Variants in ENPP6 observed in about 807,000 individuals in gnomAD.
ENPP6 encodes glycerophosphocholine cholinephosphodiesterase ENPP6.
ENPP6 carries 32 observed loss-of-function variants against 42.0 expected under a neutral mutation model. The observed-to-expected ratio is 0.76, with a 90% CI of 0.58 to 1.02. The LOEUF is 1.02. Ranked by LOEUF, ENPP6 falls within the 50% of genes least tolerant of loss-of-function variation. ENPP6 has a pLI of 0.00. For synonymous variants in ENPP6, 213 were observed against 216.0 expected, an observed-to-expected ratio of 0.99 and a Z score of 0.12; for missense variants, 552 against 566.8, an observed-to-expected ratio of 0.97 and a Z score of 0.27.
intron 6 of ENPP6, among the ~76,000 whole-genome samples, chr4:184,100,710 T>C (rs1424781333): frequency 6.6e-6 from 1 of 152,050 alleles, no homozygotes; most frequent in East Asian, 1.9e-4. Flanking sequence ...GGGAATTCAC[T>C]CCATGCAGGC....
At chr4:184,163,425 C>T (rs1016272092) in intron 1 of ENPP6, among the ~76,000 whole-genome samples, 1 of 152,134 alleles carries the variant, frequency 6.6e-6, no homozygotes, top group African/African-American at 2.4e-5. Context: ...GAACCTGGAC[C>T]TCCCGGCTTC....
chr4:184,101,303 CTTGTGTGT>C (rs1284183224), intron 6 of ENPP6, among the ~76,000 whole-genome samples: 25 of 89,768 alleles, frequency 2.8e-4, no homozygotes, highest in African/African-American at 8.1e-4. Flanking sequence ...TGTGTGTGAG[CTTGTGTGT>C]GTGTGTGTGT....
At chr4:184,163,022 G>T (rs1462351212) in intron 1 of ENPP6, among the ~76,000 whole-genome samples, 1 of 152,212 alleles carries the variant, frequency 6.6e-6, no homozygotes, top group Non-Finnish European at 1.5e-5. Context: ...GTCACCTGCT[G>T]AGGCTCAAGG....
chr4:184,099,534 G>A (rs1184698619), intron 6 of ENPP6, among the ~76,000 whole-genome samples: 1 of 152,226 alleles, frequency 6.6e-6, no homozygotes, highest in African/African-American at 2.4e-5. Context: ...ATGGGGCCAG[G>A]TGCCCGGGCA....
intron 2 of ENPP6, among the ~76,000 whole-genome samples, chr4:184,142,931 C>A (rs938138107): frequency 3.3e-5 from 5 of 152,218 alleles, no homozygotes; most frequent in African/African-American, 4.8e-5. Context: ...ATGACCACGA[C>A]TGGAATTACA....
At chr4:184,210,826 C>T (rs1036375207) in intron 1 of ENPP6, among the ~76,000 whole-genome samples, 8 of 152,164 alleles carry the variant, frequency 5.3e-5, no homozygotes, top group African/African-American at 1.9e-4. Context: ...AAATTGACCA[C>T]ATACTTGGAA....
At chr4:184,139,475 T>G (rs1736784874) in intron 2 of ENPP6, among the ~76,000 whole-genome samples, 1 of 145,934 alleles carries the variant, frequency 6.9e-6, no homozygotes, top group Admixed American at 6.8e-5. Flanking sequence ...CATCTAGCAT[T>G]AGGTATATCT....
At position 184,166,556 on chromosome 4, in the gene ENPP6, T is replaced by A. The variant is rs555646160; in HGVS notation, c.242-12823A>T. Among the ~76,000 whole-genome samples, 7 of 152,366 alleles carry A rather than the reference T, an allele frequency of 4.6e-5. No homozygotes were observed. In the South Asian group the frequency reaches 1.4e-3, roughly 32 times the overall value. On this transcript the variant is annotated intron_variant, in intron 1 of 7. Coordinates refer to ENST00000296741, the MANE Select transcript of ENPP6 (RefSeq NM_153343.4). ...CTTTTTACTTTTAGAAAGCTAATTT[T>A]TAACAAAGCTCAAAGAAATTTCCTG...
chr4:184,212,737 A>G (rs867316081), intron 1 of ENPP6, among the ~76,000 whole-genome samples: 20 of 151,944 alleles, frequency 1.3e-4, no homozygotes, highest in Middle Eastern at 6.8e-3. Context: ...GGAAAAAACT[A>G]CTTTAAAGTT....
rs1736464303 is a variant in ENPP6, at chr4:184,124,202, G to A, written c.492C>T (p.Ile164=). Residue 164 remains isoleucine, a synonymous_variant, in exon 3 of 8, where the codon ATC becomes ATT. Transcript: ENST00000296741. ...CATCGCTGACTGCATTGGCAAAATTGATATCCGTTGGGACATTTTTATATT... is the reference window on the plus strand; with the variant it reads ...CATCGCTGACTGCATTGGCAAAATTAATATCCGTTGGGACATTTTTATATT... ...CLEYKNVPTD[I]NFANAVSDAL... 6.2e-7 allele frequency: 1 copy of A among 1,613,906 alleles called. No individual in the cohort carries two copies. The highest frequency in any genetic ancestry group is 8.5e-7 in the Non-Finnish European group (1 of 1,179,952).
intron 7 of ENPP6, 64 bp downstream of exon 7, chr4:184,097,181 G>GC (rs1373342123): frequency 4.1e-5 from 66 of 1,601,272 alleles, no homozygotes; most frequent in Non-Finnish European, 5.5e-5. Context: ...GGCACCCGTA[G>GC]CCCCCCTTAC....
chr4:184,179,822 A>G (rs999185252), intron 1 of ENPP6, among the ~76,000 whole-genome samples: 12 of 152,220 alleles, frequency 7.9e-5, no homozygotes, highest in African/African-American at 2.7e-4. Context: ...TTTGAAACCA[A>G]TGAGAACAAA....
At chr4:184,178,553 C>G (rs1732490072) in intron 1 of ENPP6, among the ~76,000 whole-genome samples, 1 of 152,098 alleles carries the variant, frequency 6.6e-6, no homozygotes, top group South Asian at 2.1e-4. Flanking sequence ...GAAGATCAAC[C>G]AACCCTAAGA....
intron 1 of ENPP6, among the ~76,000 whole-genome samples, chr4:184,211,271 A>C (rs1313717614): frequency 1.3e-5 from 2 of 152,178 alleles, no homozygotes; most frequent in Non-Finnish European, 2.9e-5. Flanking sequence ...GACACAAAAA[A>C]CCCTTCAAAA....
chr4:184,166,838 C>T (rs894884008), intron 1 of ENPP6, among the ~76,000 whole-genome samples: 1 of 152,228 alleles, frequency 6.6e-6, no homozygotes, highest in Non-Finnish European at 1.5e-5. Flanking sequence ...TTCCTTTTCC[C>T]ACCCACTGTG....
intron 2 of ENPP6, among the ~76,000 whole-genome samples, chr4:184,143,491 C>T (rs922439552): frequency 2.0e-5 from 3 of 152,356 alleles, no homozygotes; most frequent in East Asian, 3.9e-4. Flanking sequence ...CAATCAGCTC[C>T]GCCTCTGCCT....
chr4:184,152,342 C>A (rs1227337377), intron 2 of ENPP6, among the ~76,000 whole-genome samples: 1 of 152,160 alleles, frequency 6.6e-6, no homozygotes, highest in East Asian at 1.9e-4. Context: ...CCACGCAATC[C>A]TTGTGGGCCT....
chr4:184,095,815 A>T (rs1241922187), intron 7 of ENPP6, among the ~76,000 whole-genome samples: 1 of 152,078 alleles, frequency 6.6e-6, no homozygotes, highest in Non-Finnish European at 1.5e-5. Context: ...CTTGCTGACT[A>T]ATGTTCTCAC....
intron 6 of ENPP6, among the ~76,000 whole-genome samples, chr4:184,107,694 T>A (rs2111337664): frequency 6.6e-6 from 1 of 152,314 alleles, no homozygotes; most frequent in African/African-American, 2.4e-5. Flanking sequence ...GGTGGGCGGA[T>A]CACGAGGTCA....
Sources: gnomAD v4.1 joint callset for allele counts (sites outside exome capture counted in the v4.1 genomes callset) on GRCh38, gnomAD v4.1.1 for gene constraint, MANE v1.5 for transcripts, NCBI Gene and HGNC (gene_info 2026-07-23, HGNC 2026-07-21) for gene names.